Variants in ZBTB8A observed in about 807,000 individuals in gnomAD.
ZBTB8A encodes zinc finger and BTB domain-containing protein 8A.
A neutral mutation model predicts 37.8 loss-of-function variants in ZBTB8A; 19 were observed. The observed-to-expected ratio is 0.50, with a 90% confidence interval of 0.35 to 0.74. The LOEUF (loss-of-function observed/expected upper bound fraction) is 0.74, where lower values mean the gene tolerates loss of function less well. ZBTB8A is among the 30% of genes least tolerant of loss of function. The pLI is 0.01. For missense variants in ZBTB8A, 394 were observed against 537.8 expected (o/e 0.73, Z 2.65); for synonymous variants, 181 against 185.2 (o/e 0.98, Z 0.19).
At chr1:32,546,696 TC>T (rs1296952108) in intron 1 of ZBTB8A, among the ~76,000 whole-genome samples, 2 of 152,142 alleles carry the variant, frequency 1.3e-5, no homozygotes, top group Non-Finnish European at 2.9e-5. Context: ...AATGATTGTA[TC>T]AAAAGATGAA....
At chr1:32,540,140 C>G (rs1046797965) in intron 1 of ZBTB8A, among the ~76,000 whole-genome samples, 2 of 152,150 alleles carry the variant, frequency 1.3e-5, no homozygotes, top group Non-Finnish European at 2.9e-5. Context: ...CTCACCGCGC[C>G]TAACCAATGT....
intron 1 of ZBTB8A, among the ~76,000 whole-genome samples, chr1:32,547,015 C>A (rs1644110116): frequency 6.6e-6 from 1 of 151,970 alleles, no homozygotes; most frequent in East Asian, 1.9e-4. Flanking sequence ...GATCCTCCCA[C>A]CTCAGCCTAC....
chr1:32,575,673 A>AC (rs1168524378), intron 2 of ZBTB8A, among the ~76,000 whole-genome samples: 2 of 150,110 alleles, frequency 1.3e-5, no homozygotes, highest in Non-Finnish European at 3.0e-5. Flanking sequence ...ACACAGCAGG[A>AC]CCCCATCTCT....
chr1:32,562,234 G>A (rs1644249016), intron 2 of ZBTB8A, among the ~76,000 whole-genome samples: 1 of 151,662 alleles, frequency 6.6e-6, no homozygotes, highest in African/African-American at 2.4e-5. Flanking sequence ...GGGAGTATAG[G>A]CATGAGCCAC....
chr1:32,540,596 C>T (rs1644045126), intron 1 of ZBTB8A, among the ~76,000 whole-genome samples: 1 of 150,558 alleles, frequency 6.6e-6, no homozygotes, highest in African/African-American at 2.5e-5. Context: ...GCCTTCCCTC[C>T]TAAGGCACCT....
At position 32,595,237 on chromosome 1, in the gene ZBTB8A, T is replaced by G. The variant is rs769989242; in HGVS notation, c.993+14T>G. On this transcript the variant is annotated intron_variant, in intron 4 of 4. Transcript: ENST00000373510. ...CATTTTCGAACAGTATGTATGATTT[T>G]TTTTCATCGTTTTACTAATTCTTTT... 9 of 1,598,014 alleles carry G rather than the reference T, an allele frequency of 5.6e-6. No homozygotes were observed. The highest frequency in any genetic ancestry group is 1.8e-5 in the Admixed American group (1 of 54,522).
intron 1 of ZBTB8A, among the ~76,000 whole-genome samples, chr1:32,545,401 G>A (rs1167366551): frequency 6.6e-6 from 1 of 151,930 alleles, no homozygotes; most frequent in Admixed American, 6.6e-5. Flanking sequence ...TTATTTTAGC[G>A]ATTATCTTAT....
chr1:32,597,523 T>C (rs1644542593), intron 4 of ZBTB8A, among the ~76,000 whole-genome samples: 1 of 152,212 alleles, frequency 6.6e-6, no homozygotes, highest in African/African-American at 2.4e-5. Flanking sequence ...CACTTTGTAC[T>C]TTCCCTACCA....
At chr1:32,563,437 C>T (rs761978271) in intron 2 of ZBTB8A, among the ~76,000 whole-genome samples, 7 of 152,126 alleles carry the variant, frequency 4.6e-5, no homozygotes, top group Non-Finnish European at 7.4e-5. Context: ...CCCCCTAGGG[C>T]TGACACCTTC....
In ZBTB8A at chr1:32,601,561, ACT is replaced by A; in HGVS notation, c.*1148_*1149del. The A allele has an allele frequency of 2.5e-6, 1 of 398,416 alleles. No homozygotes were observed. 24.7% of individuals were successfully genotyped at this position (398,416 alleles called of 1,614,324 possible). A position where few individuals can be genotyped will look rare whatever the true frequency, so the allele number is the denominator to read the frequency against. ...TGTAGTGCTATATTATTTATAAAGT[ACT>A]CTCTCATGTATTTTCTCAGTGAGGT... is the stretch of plus-strand genomic sequence containing the variant. On this transcript the variant is annotated 3_prime_UTR_variant, in exon 5 of 5. Coordinates refer to ENST00000373510, the MANE Select transcript of ZBTB8A (RefSeq NM_001040441.3).
At chr1:32,539,691 C>G (rs1644032339) in intron 1 of ZBTB8A, 119 bp downstream of exon 1, 1 of 147,056 alleles carries the variant, frequency 6.8e-6, no homozygotes, top group Non-Finnish European at 1.5e-5. Context: ...GGGATGCGGG[C>G]CCCGGGCGCG....
intron 2 of ZBTB8A, among the ~76,000 whole-genome samples, chr1:32,573,654 G>T (rs1326628472): frequency 6.9e-6 from 1 of 144,530 alleles, no homozygotes; most frequent in African/African-American, 2.5e-5. Flanking sequence ...GGCTGGTCTC[G>T]AACTCCTGGG....
rs555736414 is a variant in ZBTB8A at position 32,605,704 on chromosome 1, C to CAAAAAAA, written c.*5305_*5311dup. 4.8e-3 allele frequency: 88 copies of CAAAAAAA among 18,406 alleles called. 6 individuals carry two copies. Among genetic ancestry groups the CAAAAAAA allele is most frequent in the African/African-American group, 0.014 (84 of 5,862 alleles). 1.1% of individuals were successfully genotyped at this position (18,406 alleles called of 1,614,324 possible). On this transcript the variant is annotated 3_prime_UTR_variant, in exon 5 of 5. Coordinates refer to ENST00000373510, the MANE Select transcript of ZBTB8A (RefSeq NM_001040441.3). ...TGGGTGACAGAGCGAGACTCCACCT[C>CAAAAAAA]AAAAAAAAAAAAAAAAAAAAAAAAA...
Position 32,561,426 on chromosome 1 carries a change from G to A in ZBTB8A, c.-2+7886G>A, listed in dbSNP as rs374294733. Reference sequence around the variant, plus strand: ...CCATGCTGCCTCTGAAGGTTGTAGGGCAGAGTCCTTCCTTGCCTCTTCCTA... The same window carrying A: ...CCATGCTGCCTCTGAAGGTTGTAGGACAGAGTCCTTCCTTGCCTCTTCCTA... On this transcript the variant is annotated intron_variant, in intron 2 of 4. Coordinates refer to ENST00000373510, the MANE Select transcript of ZBTB8A (RefSeq NM_001040441.3). Among the ~76,000 whole-genome samples, 5 of 152,246 alleles carry A rather than the reference G, an allele frequency of 3.3e-5. No individual in the cohort carries two copies. The South Asian group carries it at 8.3e-4, about 25-fold the overall frequency.
At chr1:32,586,593 G>C (rs1644451617) in intron 2 of ZBTB8A, among the ~76,000 whole-genome samples, 1 of 150,654 alleles carries the variant, frequency 6.6e-6, no homozygotes, top group Non-Finnish European at 1.5e-5. Context: ...GAAACCTATA[G>C]GAAGTGAAAA....
chr1:32,584,137 T>C (rs1228184107), intron 2 of ZBTB8A, among the ~76,000 whole-genome samples: 2 of 151,782 alleles, frequency 1.3e-5, no homozygotes, highest in African/African-American at 2.4e-5. Flanking sequence ...GAGGCAGAGA[T>C]TGGGGATAAG....
rs868844093 is a variant in ZBTB8A, at chr1:32,562,121, G to T, written c.-2+8581G>T. Among the ~76,000 whole-genome samples, 1,180 of 129,870 alleles carry T rather than the reference G, an allele frequency of 9.1e-3. 16 individuals are homozygous for T. The highest frequency in any genetic ancestry group is 0.031 in the African/African-American group (1,116 of 35,896). 85.2% of individuals were successfully genotyped at this position (129,870 alleles called of 152,430 possible). ...CCAGCCAATTTTTTAATTTTTGTTTGTTTTTTTTTTTTTTTGTAGAAACGG... is the reference window on the plus strand; with the variant it reads ...CCAGCCAATTTTTTAATTTTTGTTTTTTTTTTTTTTTTTTTGTAGAAACGG... On this transcript the variant is annotated intron_variant, in intron 2 of 4. Transcript: ENST00000373510.
intron 2 of ZBTB8A, among the ~76,000 whole-genome samples, chr1:32,555,770 G>A (rs977592584): frequency 1.3e-5 from 2 of 152,074 alleles, no homozygotes; most frequent in African/African-American, 4.8e-5. Flanking sequence ...GTGGCCTCCT[G>A]TCCATATCTA....
intron 2 of ZBTB8A, among the ~76,000 whole-genome samples, chr1:32,570,267 A>G (rs754346015): frequency 6.6e-6 from 1 of 152,178 alleles, no homozygotes; most frequent in Non-Finnish European, 1.5e-5. Flanking sequence ...ACTCTATTCC[A>G]TTGATCTATG....
Sources: allele counts gnomAD v4.1 joint callset (sites outside exome capture counted in the v4.1 genomes callset), GRCh38; gene constraint gnomAD v4.1.1; transcripts MANE v1.5; gene names NCBI Gene and HGNC (gene_info 2026-07-23, HGNC 2026-07-21).